The following GALNTL6 variants were observed in gnomAD, a reference collection of about 807,000 sequenced individuals.
The protein encoded by GALNTL6 is polypeptide N-acetylgalactosaminyltransferase like 6, also known as polypeptide N-acetylgalactosaminyltransferase-like 6.
A neutral mutation model predicts 73.7 loss-of-function variants in GALNTL6; 46 were observed. That is an observed-to-expected ratio of 0.62 (90% CI 0.49 to 0.80). The LOEUF (loss-of-function observed/expected upper bound fraction) is 0.80. GALNTL6 is among the 30% of genes least tolerant of loss of function. GALNTL6 has a pLI of 0.00. For synonymous variants in GALNTL6, 259 were observed against 263.7 expected (o/e 0.98, Z 0.17); for missense variants, 604 against 755.0 (o/e 0.80, Z 2.34).
intron 11 of GALNTL6, among the ~76,000 whole-genome samples, chr4:173,017,245 A>C (rs976785589): frequency 1.3e-5 from 2 of 152,244 alleles, no homozygotes; most frequent in Non-Finnish European, 2.9e-5. Flanking sequence ...ATTCAAAAGA[A>C]GAAAGCAGAG....
At chr4:172,839,572 A>G (rs1560985893) in intron 7 of GALNTL6, among the ~76,000 whole-genome samples, 1 of 152,192 alleles carries the variant, frequency 6.6e-6, no homozygotes, top group African/African-American at 2.4e-5. Flanking sequence ...TTTTCTGAAA[A>G]TCTGCTTGAG....
chr4:172,086,785 C>G (rs1732046120), intron 2 of GALNTL6, among the ~76,000 whole-genome samples: 1 of 152,208 alleles, frequency 6.6e-6, no homozygotes, highest in Admixed American at 6.5e-5. Flanking sequence ...CAAATTTTCT[C>G]ATACTGTTCT....
intron 5 of GALNTL6, among the ~76,000 whole-genome samples, chr4:172,788,444 G>A (rs1011154525): frequency 1.3e-4 from 19 of 151,988 alleles, no homozygotes; most frequent in African/African-American, 3.6e-4. Flanking sequence ...AGGCCGAGAC[G>A]GGTGGATCAC....
chr4:172,478,257 A>G (rs919710834), intron 5 of GALNTL6, among the ~76,000 whole-genome samples: 1 of 152,204 alleles, frequency 6.6e-6, no homozygotes, highest in Admixed American at 6.5e-5. Flanking sequence ...ACATTACCTA[A>G]CTTTGTTTGC....
chr4:172,413,874 C>G (rs1488225727), intron 5 of GALNTL6, among the ~76,000 whole-genome samples: 1 of 151,966 alleles, frequency 6.6e-6, no homozygotes, highest in Non-Finnish European at 1.5e-5. Context: ...GATCTTTCCC[C>G]AAATGTCTAA....
intron 5 of GALNTL6, among the ~76,000 whole-genome samples, chr4:172,562,872 G>T (rs1325235014): frequency 6.6e-6 from 1 of 152,180 alleles, no homozygotes; most frequent in Non-Finnish European, 1.5e-5. Flanking sequence ...ATAGAGAACT[G>T]GGGAAAGTGT....
chr4:171,895,908 GA>G (rs138703756), intron 2 of GALNTL6, among the ~76,000 whole-genome samples: 3,398 of 145,412 alleles, frequency 0.023, 98 homozygotes, highest in African/African-American at 0.074. Flanking sequence ...ATGCAATAGT[GA>G]AAAAAAAAAC....
At chr4:172,745,440 T>C (rs1579427634) in intron 5 of GALNTL6, among the ~76,000 whole-genome samples, 1 of 138,000 alleles carries the variant, frequency 7.2e-6, no homozygotes. Context: ...CATATATATA[T>C]ATATGTACAC....
chr4:172,377,776 C>T (rs751911646), intron 5 of GALNTL6, among the ~76,000 whole-genome samples: 10 of 152,168 alleles, frequency 6.6e-5, no homozygotes, highest in Non-Finnish European at 1.2e-4. Context: ...GACGCTGGCC[C>T]AGGTGCTAAG....
At chr4:172,469,103 T>C (rs1732944075) in intron 5 of GALNTL6, among the ~76,000 whole-genome samples, 1 of 152,052 alleles carries the variant, frequency 6.6e-6, no homozygotes, top group Admixed American at 6.6e-5. Flanking sequence ...TGGAGATGAG[T>C]TGAGCCAAGT....
At chr4:172,000,836 G>A (rs1419859604) in intron 2 of GALNTL6, among the ~76,000 whole-genome samples, 4 of 152,122 alleles carry the variant, frequency 2.6e-5, no homozygotes, top group Admixed American at 2.6e-4. Flanking sequence ...TTCCCGTTGT[G>A]TAGCATAGGT....
rs143943063 is a variant in GALNTL6 at position 172,317,263 on chromosome 4, T to C, written c.386+5511T>C. Among the ~76,000 whole-genome samples, 1,089 of 152,330 alleles carry C rather than the reference T, an allele frequency of 7.1e-3. 10 individuals are homozygous for C. Among genetic ancestry groups the C allele is most frequent in the Middle Eastern group, 0.01 (3 of 294 alleles). On this transcript the variant is annotated intron_variant, in intron 4 of 12. Transcript: ENST00000506823. ...GTATATTGAATAATGATTCTAAATA[T>C]ATTGACTTGCATGACTTGCATTGTG...
rs951368567 is a variant in GALNTL6, at chr4:172,808,051, G to A, written c.554-1310G>A. Among the ~76,000 whole-genome samples the A allele has an allele frequency of 7.2e-5, 11 of 152,146 alleles. No homozygotes were observed. In the East Asian group the frequency reaches 9.6e-4, roughly 13 times the overall value. On this transcript the variant is annotated intron_variant, in intron 5 of 12. Transcript: ENST00000506823. ...TCGGTCAGGCTGGTCTTGAACTCCC[G>A]AAATCAGGTGATCCACCCACCTCTG...
intron 5 of GALNTL6, among the ~76,000 whole-genome samples, chr4:172,539,261 G>A (rs147326664): frequency 5.1e-4 from 78 of 152,226 alleles, no homozygotes; most frequent in East Asian, 1.2e-3. Context: ...CACCGTTAGC[G>A]TTGTGATCAC....
At chr4:172,528,952 C>CATATATATATATATATATATATATAT (rs765904258) in intron 5 of GALNTL6, among the ~76,000 whole-genome samples, 1,587 of 23,052 alleles carry the variant, frequency 0.069, 336 homozygotes, top group African/African-American at 0.08. Flanking sequence ...TTCCCAAAGG[C>CATATATATATATATATATATATATAT]ATATATATAT....
At chr4:171,865,293 T>G (rs1735941089) in intron 2 of GALNTL6, among the ~76,000 whole-genome samples, 1 of 151,960 alleles carries the variant, frequency 6.6e-6, no homozygotes, top group African/African-American at 2.4e-5. Flanking sequence ...TACAAATGGG[T>G]GCTGGCTGAA....
chr4:172,027,991 G>T (rs901074992), intron 2 of GALNTL6, among the ~76,000 whole-genome samples: 1 of 152,044 alleles, frequency 6.6e-6, no homozygotes, highest in African/African-American at 2.4e-5. Context: ...AGCGGGAAGG[G>T]CTGATGTAGA....
intron 10 of GALNTL6, among the ~76,000 whole-genome samples, chr4:172,962,272 CAG>C (rs1453056472): frequency 6.6e-6 from 1 of 152,192 alleles, no homozygotes; most frequent in Non-Finnish European, 1.5e-5. Flanking sequence ...GTGCAGGTCA[CAG>C]GGGATATGAT....
At chr4:172,448,186 A>G (rs1182600544) in intron 5 of GALNTL6, among the ~76,000 whole-genome samples, 1 of 152,200 alleles carries the variant, frequency 6.6e-6, no homozygotes, top group Non-Finnish European at 1.5e-5. Flanking sequence ...GGTTTAGCAT[A>G]TATGTCAGGA....
Sources: gnomAD v4.1 joint callset for allele counts (sites outside exome capture counted in the v4.1 genomes callset) on GRCh38, gnomAD v4.1.1 for gene constraint, MANE v1.5 for transcripts, NCBI Gene and HGNC (gene_info 2026-07-23, HGNC 2026-07-21) for gene names.